The following ARHGEF2 variants were observed in gnomAD, a reference collection of about 807,000 sequenced individuals.
The protein encoded by ARHGEF2 is Rho/Rac guanine nucleotide exchange factor 2, also known as rho guanine nucleotide exchange factor 2.
A neutral mutation model predicts 121.0 loss-of-function variants in ARHGEF2; 22 were observed. That is an observed-to-expected ratio of 0.18 (90% CI 0.13 to 0.26). The LOEUF is 0.26. Ranked by LOEUF, ARHGEF2 falls within the 10% of genes least tolerant of loss-of-function variation. The probability of loss-of-function intolerance (pLI) is 1.00; values close to 1 mark genes in which losing one functional copy is unlikely to be tolerated. For missense variants in ARHGEF2, 907 were observed against 1,336.0 expected, an observed-to-expected ratio of 0.68 and a Z score of 5.01; for synonymous variants, 487 against 530.0, an observed-to-expected ratio of 0.92 and a Z score of 1.11.
intron 14 of ARHGEF2, 39 bp from the exon 15 acceptor site, chr1:155,952,867 G>A (rs1178706271): frequency 1.9e-6 from 3 of 1,607,864 alleles, no homozygotes; most frequent in Non-Finnish European, 2.6e-6. Flanking sequence ...AGAGGACGTA[G>A]GGGTATGCAA....
chr1:155,950,794 AC>A lies in ARHGEF2; in HGVS notation c.2703+34del. The A allele has an allele frequency of 6.6e-7, 1 of 1,506,788 alleles. No individual in the cohort carries two copies. Among genetic ancestry groups the A allele is most frequent in the Non-Finnish European group, 8.9e-7 (1 of 1,125,790 alleles). The allele number at this position is 1,506,788 out of a possible 1,614,324, so 93.3% of individuals were successfully genotyped here. On this transcript the variant is annotated intron_variant, in intron 20 of 21. Coordinates refer to ENST00000361247, the MANE Select transcript of ARHGEF2 (RefSeq NM_001162383.2). This position sits in a 1 kb window ranked among gnomAD's most constrained non-coding sequence, Gnocchi z 5.2. Reference sequence around the variant, plus strand: ...TCGGGCTCCATGGACCCTTATGTCCACCCCAGGTCCATTCACCACTGCAGGC... The same window carrying A: ...TCGGGCTCCATGGACCCTTATGTCCACCCAGGTCCATTCACCACTGCAGGC...
At chr1:155,957,991 C>T (rs1677053961) in intron 12 of ARHGEF2, 109 bp from the exon 13 acceptor site, 2 of 1,181,568 alleles carry the variant, frequency 1.7e-6, no homozygotes, top group African/African-American at 3.1e-5. Context: ...AGTCATCTTA[C>T]AATACCAGTT....
intron 11 of ARHGEF2, among the ~76,000 whole-genome samples, chr1:155,960,485 A>C (rs1677683668): frequency 6.7e-6 from 1 of 148,456 alleles, no homozygotes; most frequent in Admixed American, 6.7e-5. Context: ...AAAAAAAAAG[A>C]GAGAGAAAAC....
At position 155,962,012 on chromosome 1, in the gene ARHGEF2, C is replaced by T. The variant is rs1195920183; in HGVS notation, c.1219+93G>A. ...CCTTTAGAGGCTGCCCAGGGTTTCA[C>T]ACCCGACCCCACCCTTCCTGTGGTC... On this transcript the variant is annotated intron_variant, in intron 10 of 21. Transcript: ENST00000361247. This position sits in a 1 kb window ranked among gnomAD's most constrained non-coding sequence, Gnocchi z 5.8. 6 of 1,601,030 alleles carry T rather than the reference C, an allele frequency of 3.7e-6. No homozygotes were observed. In the Admixed American group the frequency reaches 1.0e-4, roughly 27 times the overall value.
At chr1:155,977,606 C>T (rs1282124272) in intron 1 of ARHGEF2, among the ~76,000 whole-genome samples, 4 of 152,140 alleles carry the variant, frequency 2.6e-5, no homozygotes, top group South Asian at 2.1e-4. Flanking sequence ...AGCTAGGAGG[C>T]TGGCGGGGCA....
chr1:155,958,724 G>A (rs560275043), intron 11 of ARHGEF2, among the ~76,000 whole-genome samples: 7 of 151,628 alleles, frequency 4.6e-5, no homozygotes, highest in East Asian at 3.9e-4. Flanking sequence ...TACTACAGGC[G>A]TGTGCCACCA....
intron 13 of ARHGEF2, among the ~76,000 whole-genome samples, chr1:155,957,350 T>C (rs190756331): frequency 2.6e-5 from 4 of 152,278 alleles, no homozygotes; most frequent in African/African-American, 9.6e-5. Flanking sequence ...TTTAGAAAAA[T>C]AAATGTAAAA....
chr1:155,971,138 C>T, intron 1 of ARHGEF2: 6 of 983,402 alleles, frequency 6.1e-6, no homozygotes, highest in Non-Finnish European at 7.2e-6. Flanking sequence ...ATTCAGGAAG[C>T]TGAGCTGCCT....
chr1:155,966,368 C>T, intron 4 of ARHGEF2, 48 bp downstream of exon 4: 2 of 1,595,192 alleles, frequency 1.3e-6, no homozygotes, highest in Non-Finnish European at 1.7e-6. Flanking sequence ...GTTGAGCAGC[C>T]TGGGGTCCAG....
rs1677895302 is a variant in ARHGEF2 at position 155,961,442 on chromosome 1, T to C, written c.1468+219A>G. On this transcript the variant is annotated intron_variant, in intron 11 of 21. Coordinates refer to ENST00000361247, the MANE Select transcript of ARHGEF2 (RefSeq NM_001162383.2). This position sits in a 1 kb window ranked among gnomAD's most constrained non-coding sequence, Gnocchi z 4.7. ...GGCGCCCACCACCACGCCCGGCGAATTTTTTGTATTTTCAGTAGAGACAGG... is the reference window on the plus strand; with the variant it reads ...GGCGCCCACCACCACGCCCGGCGAACTTTTTGTATTTTCAGTAGAGACAGG... 1.3e-5 allele frequency among the ~76,000 whole-genome samples: 2 copies of C among 151,988 alleles called. No homozygotes were observed. The highest frequency in any genetic ancestry group is 2.9e-5 in the Non-Finnish European group (2 of 67,988).
intron 1 of ARHGEF2, chr1:155,970,410 A>G: frequency 7.1e-6 from 7 of 985,346 alleles, no homozygotes; most frequent in Non-Finnish European, 8.4e-6. Flanking sequence ...CACTCTTCCC[A>G]CTATTCTAGG....
At chr1:155,949,661 G>A (rs532694319) in intron 21 of ARHGEF2, among the ~76,000 whole-genome samples, 2 of 151,498 alleles carry the variant, frequency 1.3e-5, no homozygotes, top group South Asian at 2.1e-4. Context: ...GGTGGATCGC[G>A]AGGTCAGCCG....
rs143908534 is a variant in ARHGEF2, at chr1:155,951,984, C to T, written c.2107G>A (p.Gly703Ser). ...GAGCCATTGAAGGTTCTGGCCTCAC[C>T]ATCTGTTGAGAAGGAGAAAAGGATG... ...GNTSPGVTAN[G>S]EARTFNGSIE... Residue 703 changes from glycine (G) to serine (S), a missense_variant and splice_region_variant, in exon 17 of 22, where the codon GGT becomes AGT. This residue lies in a region of ARHGEF2 where 432 missense variants were observed against 559.5 expected (regional missense o/e 0.77). Transcript: ENST00000361247. The surrounding 1 kb of genome is among the most constrained non-coding windows in gnomAD (Gnocchi z 5.1). 62 of 1,613,986 alleles carry T rather than the reference C, an allele frequency of 3.8e-5. No individual in the cohort carries two copies. Among genetic ancestry groups the T allele is most frequent in the Non-Finnish European group, 4.6e-5 (54 of 1,180,022 alleles).
chr1:155,965,000 C>A lies in ARHGEF2; in HGVS notation c.712G>T (p.Asp238Tyr). The A allele has an allele frequency of 6.2e-7, 1 of 1,613,994 alleles. No homozygotes were observed. Among genetic ancestry groups the A allele is most frequent in the Non-Finnish European group, 8.5e-7 (1 of 1,179,942 alleles). ...QHKKEVMKQQ[D>Y]VIYELIQTEL... ...GGTCTTGGCTTACCATAGATGACAT[C>A]TTGCTGCTTCATCACCTCCTTTTTA... is the stretch of plus-strand genomic sequence containing the variant. The change falls in exon 7 of 22, where the codon GAT becomes TAT. Residue 238 changes from aspartate to tyrosine, a missense_variant. By Grantham distance (160) the Asp-to-Tyr change is radical (BLOSUM62 -3). Coordinates refer to ENST00000361247, the MANE Select transcript of ARHGEF2 (RefSeq NM_001162383.2).
chr1:155,953,938 T>C (rs890614996), intron 14 of ARHGEF2, among the ~76,000 whole-genome samples: 2 of 152,072 alleles, frequency 1.3e-5, no homozygotes, highest in Non-Finnish European at 2.9e-5. Flanking sequence ...CTTCCCACTT[T>C]GAACTGTTAT....
At chr1:155,978,752 C>G (rs1021424975), upstream of ARHGEF2, 8 of 812,954 alleles carry the variant, frequency 9.8e-6, no homozygotes, top group African/African-American at 1.8e-5. The surrounding 1 kb of genome is among the most constrained non-coding windows in gnomAD (Gnocchi z 4.1). Context: ...CCTCCAGCGC[C>G]TGGGGGCGCC....
intron 1 of ARHGEF2, chr1:155,972,133 A>G: frequency 2.6e-6 from 1 of 382,386 alleles, no homozygotes; most frequent in Non-Finnish European, 5.4e-6. Flanking sequence ...TGGCAAAGGG[A>G]GGGAGAAGAC....
chr1:155,951,401 G>T lies in ARHGEF2; in HGVS notation c.2259+82C>A. On this transcript the variant is annotated intron_variant, in intron 19 of 21. Coordinates refer to ENST00000361247, the MANE Select transcript of ARHGEF2 (RefSeq NM_001162383.2). This position sits in a 1 kb window ranked among gnomAD's most constrained non-coding sequence, Gnocchi z 5.1. ...ATTGGGAGGGTATTTAGAAAGGCCTGTTGGGATGACCATGCCCCACCTAAA... is the reference window on the plus strand; with the variant it reads ...ATTGGGAGGGTATTTAGAAAGGCCTTTTGGGATGACCATGCCCCACCTAAA... The T allele has an allele frequency of 6.3e-7, 1 of 1,596,022 alleles. No homozygotes were observed. Among genetic ancestry groups the T allele is most frequent in the Non-Finnish European group, 8.6e-7 (1 of 1,164,564 alleles).
chr1:155,961,509 C>G lies in ARHGEF2; in HGVS notation c.1468+152G>C. 1.8e-6 allele frequency: 2 copies of G among 1,108,696 alleles called. No homozygotes were observed. Among genetic ancestry groups the G allele is most frequent in the Admixed American group, 2.3e-5 (1 of 43,992 alleles). The allele number at this position is 1,108,696 out of a possible 1,614,324, so 68.7% of individuals were successfully genotyped here. On this transcript the variant is annotated intron_variant, in intron 11 of 21. Transcript: ENST00000361247. This position sits in a 1 kb window ranked among gnomAD's most constrained non-coding sequence, Gnocchi z 4.7. ...CAGGATGGTCTCAATCTCCTGACCT[C>G]GTGATCCGCCCGCCTCGGCCTCCCT... is the stretch of plus-strand genomic sequence containing the variant.
Sources: gnomAD v4.1 joint callset for allele counts (sites outside exome capture counted in the v4.1 genomes callset) on GRCh38, gnomAD v4.1.1 for gene constraint, gnomAD v4.1.1 regional missense constraint, Gnocchi (gnomAD v3.1) non-coding constraint, MANE v1.5 for transcripts, NCBI Gene and HGNC (gene_info 2026-07-23, HGNC 2026-07-21) for gene names.